DAB1: variants seen among roughly 807,000 people sequenced by gnomAD.
The protein encoded by DAB1 is DAB adaptor protein 1.
A neutral mutation model predicts 64.6 loss-of-function variants in DAB1; 15 were observed. That is an observed-to-expected ratio of 0.23 (90% CI 0.16 to 0.36). The LOEUF (loss-of-function observed/expected upper bound fraction) is 0.36. DAB1 is among the 10% of genes least tolerant of loss of function. The probability of loss-of-function intolerance (pLI) is 1.00; values close to 1 mark genes in which losing one functional copy is unlikely to be tolerated. For missense variants in DAB1, 596 were observed against 706.7 expected, an observed-to-expected ratio of 0.84 and a Z score of 1.78; for synonymous variants, 235 against 251.9, an observed-to-expected ratio of 0.93 and a Z score of 0.64.
At chr1:57,973,344 G>A (rs1384119726) in intron 5 of DAB1, among the ~76,000 whole-genome samples, 1 of 152,108 alleles carries the variant, frequency 6.6e-6, no homozygotes, top group Non-Finnish European at 1.5e-5. Flanking sequence ...CTTGATTTAG[G>A]CCCAGTGAAA....
At chr1:57,128,315 T>C (rs758632902) in intron 4 of DAB1, among the ~76,000 whole-genome samples, 6 of 151,926 alleles carry the variant, frequency 3.9e-5, no homozygotes, top group Non-Finnish European at 8.8e-5. Flanking sequence ...ACCATAGCTT[T>C]TCACCTAGTC....
chr1:57,831,273 G>A (rs893663902), intron 1 of DAB1, among the ~76,000 whole-genome samples: 3 of 152,136 alleles, frequency 2.0e-5, no homozygotes, highest in African/African-American at 7.2e-5. Flanking sequence ...TCCTGGGAGG[G>A]AGAGAGATTA....
chr1:57,384,726 G>A (rs1681664326), intron 1 of DAB1, among the ~76,000 whole-genome samples: 1 of 152,196 alleles, frequency 6.6e-6, no homozygotes, highest in African/African-American at 2.4e-5. Flanking sequence ...CAGGAACTGG[G>A]AGGTGGAGGG....
intron 1 of DAB1, among the ~76,000 whole-genome samples, chr1:57,365,453 A>G (rs1325752065): frequency 6.7e-6 from 1 of 149,318 alleles, no homozygotes; most frequent in Non-Finnish European, 1.5e-5. Context: ...ATATTCTTAC[A>G]TATAAAATAA....
intron 4 of DAB1, among the ~76,000 whole-genome samples, chr1:58,311,589 A>G (rs1268629969): frequency 6.6e-6 from 1 of 152,096 alleles, no homozygotes; most frequent in African/African-American, 2.4e-5. Context: ...TGCCTTGGCA[A>G]TCTCAGTTTC....
At chr1:58,504,557 T>C (rs7547966) in intron 3 of DAB1, among the ~76,000 whole-genome samples, 4,093 of 152,318 alleles carry the variant, frequency 0.027, 179 homozygotes, top group African/African-American at 0.093. Context: ...ATACTATATG[T>C]TTGTTTCTTA....
At chr1:57,414,858 AC>A (rs146596262) in intron 1 of DAB1, among the ~76,000 whole-genome samples, 4,441 of 152,308 alleles carry the variant, frequency 0.029, 230 homozygotes, top group African/African-American at 0.1. Flanking sequence ...TTAAATAAGA[AC>A]TAAATAAATG....
At chr1:57,723,295 A>G (rs1173118194) in intron 6 of DAB1, among the ~76,000 whole-genome samples, 2 of 152,226 alleles carry the variant, frequency 1.3e-5, no homozygotes, top group African/African-American at 4.8e-5. Flanking sequence ...CTGTCTGAAT[A>G]CATGCTCAAC....
At chr1:58,536,782 C>A in intron 1 of DAB1, 1 of 841,850 alleles carries the variant, frequency 1.2e-6, no homozygotes. Context: ...AAAATCATTC[C>A]AGCACATATC....
At chr1:58,519,738 AATTTTTAAAAAAAT>A (rs1646230813) in intron 2 of DAB1, among the ~76,000 whole-genome samples, 1 of 152,198 alleles carries the variant, frequency 6.6e-6, no homozygotes, top group South Asian at 2.1e-4. Context: ...AAGAAACATG[AATTTTTAAAAAAAT>A]ATATGATTAA....
At chr1:57,769,694 T>C (rs980067312) in intron 6 of DAB1, among the ~76,000 whole-genome samples, 2 of 152,146 alleles carry the variant, frequency 1.3e-5, no homozygotes, top group Non-Finnish European at 2.9e-5. Flanking sequence ...CTGTGATTTA[T>C]TTTTCTTTTT....
intron 5 of DAB1, among the ~76,000 whole-genome samples, chr1:58,109,277 C>T (rs1025165836): frequency 5.9e-5 from 9 of 152,184 alleles, no homozygotes; most frequent in African/African-American, 2.2e-4. Flanking sequence ...ACCAGGTGGG[C>T]TCAGTGTGAG....
At chr1:57,485,179 G>GCTTCCAGATCTAACTCCA (rs60375797) in intron 7 of DAB1, among the ~76,000 whole-genome samples, 56,852 of 151,864 alleles carry the variant, frequency 0.37, 11,596 homozygotes, top group African/African-American at 0.54. Flanking sequence ...GAAATGTCCT[G>GCTTCCAGATCTAACTCCA]CTTCCAGAGA....
intron 4 of DAB1, among the ~76,000 whole-genome samples, chr1:58,300,636 GAGAGAGAGAGAGGAAGGAAGGA>G (rs1340864529): frequency 5.9e-4 from 35 of 59,192 alleles, no homozygotes; most frequent in South Asian, 1.8e-3. Flanking sequence ...GAGAGAGAGA[GAGAGAGAGAGAGGAAGGAAGGA>G]AGGAAGGAAG....
At chr1:57,773,884 G>C (rs1649675109) in intron 6 of DAB1, among the ~76,000 whole-genome samples, 1 of 151,984 alleles carries the variant, frequency 6.6e-6, no homozygotes, top group Non-Finnish European at 1.5e-5. Context: ...ATTCTATTAT[G>C]CGTTGTTACT....
intron 6 of DAB1, 51 bp from the exon 7 acceptor site, chr1:57,071,112 G>T: frequency 6.6e-7 from 1 of 1,521,756 alleles, no homozygotes; most frequent in Non-Finnish European, 9.1e-7. Flanking sequence ...CATAAAGGAA[G>T]AGATGTGAGA....
At chr1:57,403,140 C>T (rs1465771756) in intron 1 of DAB1, among the ~76,000 whole-genome samples, 2 of 152,172 alleles carry the variant, frequency 1.3e-5, no homozygotes, top group African/African-American at 2.4e-5. Flanking sequence ...GGTCCAGTCC[C>T]GGCCATTGAG....
intron 4 of DAB1, among the ~76,000 whole-genome samples, chr1:57,075,794 T>A (rs1457213848): frequency 6.6e-6 from 1 of 152,164 alleles, no homozygotes; most frequent in African/African-American, 2.4e-5. Context: ...CTACTCAGGA[T>A]GACAAAGCAT....
intron 5 of DAB1, among the ~76,000 whole-genome samples, chr1:58,113,473 C>T (rs1256278385): frequency 2.6e-5 from 4 of 152,268 alleles, no homozygotes; most frequent in East Asian, 1.9e-4. Flanking sequence ...CTGCATCTTC[C>T]ACTCTGCCAT....
Sources: gnomAD v4.1 joint callset for allele counts (sites outside exome capture counted in the v4.1 genomes callset) on GRCh38, gnomAD v4.1.1 for gene constraint, MANE v1.5 for transcripts, NCBI Gene and HGNC (gene_info 2026-07-23, HGNC 2026-07-21) for gene names.